FBLN1: variants seen among roughly 807,000 people sequenced by gnomAD.
FBLN1 encodes the protein fibulin-1.
FBLN1 carries 34 observed loss-of-function variants against 89.7 expected under a neutral mutation model. The observed-to-expected ratio is 0.38, with a 90% CI of 0.29 to 0.50. The LOEUF (loss-of-function observed/expected upper bound fraction) is 0.50. FBLN1 is among the 20% of genes least tolerant of loss of function. FBLN1 has a pLI of 0.92. For synonymous variants in FBLN1, 393 were observed against 391.3 expected (o/e 1.00, Z -0.05); for missense variants, 777 against 988.1 (o/e 0.79, Z 2.86).
intron 10 of FBLN1, among the ~76,000 whole-genome samples, chr22:45,543,004 T>C (rs1202403522): frequency 6.6e-6 from 1 of 152,132 alleles, no homozygotes; most frequent in Non-Finnish European, 1.5e-5. Context: ...CGATGGCTCA[T>C]GCCTGTAATC....
Position 45,545,442 on chromosome 22 carries a change from T to C in FBLN1, c.1322-1643T>C, listed in dbSNP as rs768967749. On this transcript the variant is annotated intron_variant, in intron 11 of 16. Transcript: ENST00000327858. This position sits in a 1 kb window ranked among gnomAD's most constrained non-coding sequence, Gnocchi z 5.9. ...GGAGGCTGCTGGCTTTATTATTATT[T>C]AGTAGAAGTAGTGGGATTCCTGGCT... 6.6e-6 allele frequency among the ~76,000 whole-genome samples: 1 copy of C among 152,174 alleles called. No individual in the cohort carries two copies. The highest frequency in any genetic ancestry group is 6.5e-5 in the Admixed American group (1 of 15,272).
Position 45,576,647 on chromosome 22 carries a change from C to A in FBLN1, c.1841-330C>A, listed in dbSNP as rs547734129. 2.0e-4 allele frequency among the ~76,000 whole-genome samples: 30 copies of A among 152,282 alleles called. No homozygotes were observed. The highest frequency in any genetic ancestry group is 3.8e-4 in the Non-Finnish European group (26 of 68,022). The stretch of plus-strand genomic sequence containing the variant: ...TCCCTCTGTCCCCTCACTCGCTTTC[C>A]TCCTCTGGTCCCCACCTTCATGAAT... On this transcript the variant is annotated intron_variant, in intron 15 of 16. Coordinates refer to ENST00000327858, the MANE Select transcript of FBLN1 (RefSeq NM_006486.3). The surrounding 1 kb of genome is among the most constrained non-coding windows in gnomAD (Gnocchi z 5.2).
intron 14 of FBLN1, among the ~76,000 whole-genome samples, chr22:45,553,101 T>G (rs2088726956): frequency 6.6e-6 from 1 of 152,166 alleles, no homozygotes; most frequent in African/African-American, 2.4e-5. Context: ...TCCTGGGGCT[T>G]GTCTCCCGGA....
At chr22:45,560,283 A>T (rs2088835875) in intron 14 of FBLN1, among the ~76,000 whole-genome samples, 1 of 152,210 alleles carries the variant, frequency 6.6e-6, no homozygotes, top group East Asian at 1.9e-4. Flanking sequence ...CCACTGTTAG[A>T]TCTGACATAC....
chr22:45,584,681 G>A (rs1219387128), intron 16 of FBLN1, among the ~76,000 whole-genome samples: 2 of 151,878 alleles, frequency 1.3e-5, no homozygotes, highest in African/African-American at 2.4e-5. Flanking sequence ...TAAATGAGCC[G>A]CTGGGAGGAA....
At chr22:45,518,362 C>T (rs549061376) in intron 1 of FBLN1, among the ~76,000 whole-genome samples, 17 of 152,094 alleles carry the variant, frequency 1.1e-4, no homozygotes, top group African/African-American at 2.7e-4. Context: ...GGACAGGGAC[C>T]GCATCAGCAT....
chr22:45,517,102 C>T (rs966159339), intron 1 of FBLN1, among the ~76,000 whole-genome samples: 11 of 152,178 alleles, frequency 7.2e-5, no homozygotes, highest in East Asian at 1.9e-4. Context: ...AGACAGCAGC[C>T]GCCCTCTGGG....
chr22:45,579,971 G>A lies in FBLN1; in HGVS notation c.1972+2863G>A, dbSNP rs920484298. On this transcript the variant is annotated intron_variant, in intron 16 of 16. Coordinates refer to ENST00000327858, the MANE Select transcript of FBLN1 (RefSeq NM_006486.3). The surrounding 1 kb of genome is among the most constrained non-coding windows in gnomAD (Gnocchi z 5.5). ...CCCAGCCTGAAGCAGCCCTGAAAAC[G>A]TGGGGTTGAACCCTTGCCGGCTCCT... is the stretch of plus-strand genomic sequence containing the variant. Among the ~76,000 whole-genome samples, 3 of 151,962 alleles carry A rather than the reference G, an allele frequency of 2.0e-5. No homozygotes were observed. Among genetic ancestry groups the A allele is most frequent in the African/African-American group, 4.8e-5 (2 of 41,376 alleles).
chr22:45,593,992 A>G (rs2146667204), intron 16 of FBLN1, among the ~76,000 whole-genome samples: 1 of 152,338 alleles, frequency 6.6e-6, no homozygotes, highest in Admixed American at 6.5e-5. Context: ...CAGTGGAAAG[A>G]GACCAGGTGC....
chr22:45,589,070 TATATAAAAATATTTTTTA>T, intron 16 of FBLN1, among the ~76,000 whole-genome samples: 1 of 49,320 alleles, frequency 2.0e-5, no homozygotes, highest in South Asian at 8.3e-4. Context: ...GTATTTTTTA[TATATAAAAATATTTTTTA>T]TATATATAAA....
At chr22:45,527,611 G>A (rs562756935) in intron 3 of FBLN1, among the ~76,000 whole-genome samples, 1 of 152,272 alleles carries the variant, frequency 6.6e-6, no homozygotes, top group East Asian at 1.9e-4. Context: ...GGAGGTGGAT[G>A]CCAGGCCCTT....
At chr22:45,565,066 A>T in intron 14 of FBLN1, 1 of 1,604,644 alleles carries the variant, frequency 6.2e-7, no homozygotes, top group Non-Finnish European at 8.5e-7. Flanking sequence ...CCACGGGAGC[A>T]TGAGCCCTTT....
At chr22:45,546,121 G>C (rs2088623330) in intron 11 of FBLN1, among the ~76,000 whole-genome samples, 3 of 152,114 alleles carry the variant, frequency 2.0e-5, no homozygotes, top group Middle Eastern at 3.2e-3. Flanking sequence ...GGAGATTGCA[G>C]TGAGCTGAGA....
At chr22:45,552,273 G>C (rs6007086) in intron 14 of FBLN1, among the ~76,000 whole-genome samples, 2,008 of 152,354 alleles carry the variant, frequency 0.013, 44 homozygotes, top group South Asian at 0.042. Flanking sequence ...GGAGGTGGAA[G>C]GGGGAGCGAA....
In FBLN1 at chr22:45,571,438, C is replaced by A. The variant is rs562305866; in HGVS notation, c.1698-3073C>A. Among the ~76,000 whole-genome samples, 14 of 152,282 alleles carry A rather than the reference C, an allele frequency of 9.2e-5. No homozygotes were observed. In the East Asian group the frequency reaches 2.7e-3, roughly 29 times the overall value. On this transcript the variant is annotated intron_variant, in intron 14 of 16. Coordinates refer to ENST00000327858, the MANE Select transcript of FBLN1 (RefSeq NM_006486.3). ...AAGGAAAAGAGTATAGTATGAATTA[C>A]TGGATAGGTCAGACAATGTAGACAT...
intron 16 of FBLN1, among the ~76,000 whole-genome samples, chr22:45,591,424 GAAACGA>G (rs3838173): frequency 0.3 from 45,848 of 151,796 alleles, 10,452 homozygotes; most frequent in African/African-American, 0.64. Flanking sequence ...GGTGCACCCT[GAAACGA>G]AGAGCTGTCT....
At chr22:45,552,489 C>T (rs972066571) in intron 14 of FBLN1, among the ~76,000 whole-genome samples, 2 of 152,242 alleles carry the variant, frequency 1.3e-5, no homozygotes, top group Admixed American at 1.3e-4. Context: ...TTGTATTTTA[C>T]AGCCCCTTTT....
chr22:45,542,121 G>A (rs1209399004), intron 9 of FBLN1, 34 bp from the exon 10 acceptor site: 1 of 1,613,856 alleles, frequency 6.2e-7, no homozygotes, highest in African/African-American at 1.3e-5. Flanking sequence ...CCAAACTAAA[G>A]GTTTTCATCA....
intron 14 of FBLN1, chr22:45,564,755 C>T: frequency 8.9e-7 from 1 of 1,126,646 alleles, no homozygotes; most frequent in East Asian, 2.6e-5. Context: ...GTTCCCAGCT[C>T]CTTGCAAGAC....
Sources: gnomAD v4.1 joint callset for allele counts (sites outside exome capture counted in the v4.1 genomes callset) on GRCh38, gnomAD v4.1.1 for gene constraint, Gnocchi (gnomAD v3.1) non-coding constraint, MANE v1.5 for transcripts, NCBI Gene and HGNC (gene_info 2026-07-23, HGNC 2026-07-21) for gene names.